LRP5: variants seen among roughly 807,000 people sequenced by gnomAD.
LRP5 encodes LDL receptor related protein 5.
A neutral mutation model predicts 154.1 loss-of-function variants in LRP5; 62 were observed. The ratio of observed to expected loss-of-function variants is 0.40; its 90% CI spans 0.33 to 0.50. LRP5 has a LOEUF of 0.50. Among genes scored for constraint, LRP5 ranks in the 20% least tolerant of loss-of-function variants. LRP5 has a pLI of 0.55. For missense variants in LRP5, 1,915 were observed against 2,336.7 expected (o/e 0.82, Z 3.72); for synonymous variants, 966 against 1,011.5 (o/e 0.96, Z 0.85).
intron 11 of LRP5, among the ~76,000 whole-genome samples, chr11:68,411,973 C>G (rs2098659844): frequency 6.6e-6 from 1 of 152,140 alleles, no homozygotes; most frequent in Non-Finnish European, 1.5e-5. Context: ...CATGACTTGC[C>G]TTAGGTCACA....
At chr11:68,301,630 AT>A in the LRP5 span, among the ~76,000 whole-genome samples, 7 of 143,314 alleles carry the variant, frequency 4.9e-5, no homozygotes, top group African/African-American at 5.0e-5. Flanking sequence ...TTATTTATTT[AT>A]TTTTTTTTTG....
chr11:68,439,948 G>A (rs761421777), intron 21 of LRP5, 32 bp downstream of exon 21: 24 of 1,491,270 alleles, frequency 1.6e-5, no homozygotes, highest in Admixed American at 1.4e-4. Flanking sequence ...GGGCGGGGCG[G>A]GATGGGGCTG....
intron 2 of LRP5, among the ~76,000 whole-genome samples, chr11:68,354,205 TC>T (rs764530026): frequency 2.0e-5 from 3 of 152,188 alleles, no homozygotes; most frequent in African/African-American, 4.8e-5. Context: ...GCTCTTTTCT[TC>T]GGAAGTCGAT....
intron 13 of LRP5, among the ~76,000 whole-genome samples, chr11:68,417,893 C>T (rs1356915224): frequency 6.6e-6 from 1 of 151,840 alleles, no homozygotes; most frequent in Non-Finnish European, 1.5e-5. Context: ...CGAGATCACA[C>T]CATTGCACTC....
the LRP5 span, among the ~76,000 whole-genome samples, chr11:68,304,541 A>C: frequency 6.6e-6 from 1 of 152,216 alleles, no homozygotes; most frequent in Non-Finnish European, 1.5e-5. Context: ...CGGGGCCGCC[A>C]CCATCCACAC....
the LRP5 span, among the ~76,000 whole-genome samples, chr11:68,306,199 G>A: frequency 1.3e-4 from 19 of 151,974 alleles, no homozygotes; most frequent in Non-Finnish European, 2.2e-4. Flanking sequence ...GCAGTGGCGC[G>A]ATCTTGGCTC....
chr11:68,331,942 TG>T (rs2098603066), intron 1 of LRP5, among the ~76,000 whole-genome samples: 1 of 151,322 alleles, frequency 6.6e-6, no homozygotes, highest in African/African-American at 2.4e-5. Flanking sequence ...GTGTGGGGAG[TG>T]GGGTGCTGTC....
rs892574165 is a variant in LRP5 at position 68,350,300 on chromosome 11, G to A, written c.488+2057G>A. 2.0e-5 allele frequency among the ~76,000 whole-genome samples: 3 copies of A among 152,248 alleles called. 1 individual carries two copies. The highest frequency in any genetic ancestry group is 4.4e-5 in the Non-Finnish European group (3 of 68,046). On this transcript the variant is annotated intron_variant, in intron 2 of 22. Coordinates refer to ENST00000294304, the MANE Select transcript of LRP5 (RefSeq NM_002335.4). Reference sequence around the variant, plus strand: ...GATCCACCCTCCTCGGCCTCCCAAAGTGTTGGGATTGCAGGCGTGAGCCAC... The same window carrying A: ...GATCCACCCTCCTCGGCCTCCCAAAATGTTGGGATTGCAGGCGTGAGCCAC...
At chr11:68,363,114 T>C (rs1441296527) in intron 3 of LRP5, among the ~76,000 whole-genome samples, 3 of 152,246 alleles carry the variant, frequency 2.0e-5, no homozygotes, top group South Asian at 2.1e-4. Flanking sequence ...TTATGAGCAT[T>C]GTAAGAAGGA....
intron 13 of LRP5, 72 bp downstream of exon 13, chr11:68,416,599 C>T (rs146948259): frequency 0.014 from 20,067 of 1,439,186 alleles, 160 homozygotes; most frequent in Non-Finnish European, 0.017. Context: ...CAGGCTGCTG[C>T]CCCTGTCCTT....
Position 68,423,831 on chromosome 11 carries a change from C to T in LRP5, c.3236+134C>T, listed in dbSNP as rs2098667227. 1.3e-6 allele frequency: 1 copy of T among 787,928 alleles called. No individual in the cohort carries two copies. The highest frequency in any genetic ancestry group is 2.5e-5 in the Admixed American group (1 of 39,984). 48.8% of individuals were successfully genotyped at this position (787,928 alleles called of 1,614,324 possible). A position where few individuals can be genotyped will look rare whatever the true frequency, so the allele number is the denominator to read the frequency against. On this transcript the variant is annotated intron_variant, in intron 14 of 22. Coordinates refer to ENST00000294304, the MANE Select transcript of LRP5 (RefSeq NM_002335.4). The surrounding 1 kb of genome is among the most constrained non-coding windows in gnomAD (Gnocchi z 4.7). ...TCCAATGGGTGGCTTTCCAGGGTCC[C>T]AAAAGCAAACACAGGCTCTTTCACA...
Position 68,425,305 on chromosome 11 carries a change from G to C in LRP5, c.3427+13G>C. ...TGTGACCTGTCAGGTACGCGCCCCG[G>C]GGCCTGCCCTAACCGCAGACACCCG... On this transcript the variant is annotated intron_variant, in intron 15 of 22. Coordinates refer to ENST00000294304, the MANE Select transcript of LRP5 (RefSeq NM_002335.4). 2 of 1,599,978 alleles carry C rather than the reference G, an allele frequency of 1.3e-6. No individual in the cohort carries two copies. Among genetic ancestry groups the C allele is most frequent in the Non-Finnish European group, 1.7e-6 (2 of 1,178,158 alleles).
chr11:68,435,302 A>G (rs1158728749), intron 18 of LRP5, among the ~76,000 whole-genome samples: 1 of 152,158 alleles, frequency 6.6e-6, no homozygotes, highest in Admixed American at 6.5e-5. Flanking sequence ...CATTGCTATG[A>G]AGGAGCACCT....
rs143513276 is a variant in LRP5 at position 68,380,885 on chromosome 11, C to T, written c.1016-5431C>T. 9.6e-4 allele frequency among the ~76,000 whole-genome samples: 146 copies of T among 152,348 alleles called. 1 individual carries two copies. Among genetic ancestry groups the T allele is most frequent in the Middle Eastern group, 3.4e-3 (1 of 294 alleles). ...TGAAGCGCTCCTCTTACCCTCTGCT[C>T]CCGGCTGGGTACGTTGAATTGTGTC... On this transcript the variant is annotated intron_variant, in intron 5 of 22. Coordinates refer to ENST00000294304, the MANE Select transcript of LRP5 (RefSeq NM_002335.4).
At chr11:68,378,422 C>A (rs149851517) in intron 5 of LRP5, among the ~76,000 whole-genome samples, 1 of 151,990 alleles carries the variant, frequency 6.6e-6, no homozygotes, top group Admixed American at 6.6e-5. Flanking sequence ...CCGAATGAGC[C>A]GTCGGTACCC....
chr11:68,378,298 C>G (rs922843300), intron 5 of LRP5, among the ~76,000 whole-genome samples: 6 of 152,170 alleles, frequency 3.9e-5, no homozygotes, highest in African/African-American at 1.4e-4. Flanking sequence ...TGGCTCAGGC[C>G]GCTGGGCGAC....
Position 68,406,639 on chromosome 11 carries a change from C to G in LRP5, c.1917C>G (p.Thr639=). ...IGLELLSDMK[T]CIVPEAFLVF... ...TGGAGCTGCTGAGTGACATGAAGAC[C>G]TGCATCGTGCCTGAGGCCTTCTTGG... Residue 639 remains threonine, a synonymous_variant, in exon 9 of 23, where the codon ACC becomes ACG. Coordinates refer to ENST00000294304, the MANE Select transcript of LRP5 (RefSeq NM_002335.4). 2 of 1,614,182 alleles carry G rather than the reference C, an allele frequency of 1.2e-6. No homozygotes were observed. The highest frequency in any genetic ancestry group is 1.7e-6 in the Non-Finnish European group (2 of 1,180,046).
intron 6 of LRP5, among the ~76,000 whole-genome samples, chr11:68,389,147 A>G (rs1169357798): frequency 6.6e-6 from 1 of 152,262 alleles, no homozygotes; most frequent in Non-Finnish European, 1.5e-5. Context: ...AACATTTACC[A>G]ACACTGAAAT....
At chr11:68,333,239 A>G (rs1301151062) in intron 1 of LRP5, among the ~76,000 whole-genome samples, 6 of 152,242 alleles carry the variant, frequency 3.9e-5, no homozygotes, top group Non-Finnish European at 8.8e-5. Flanking sequence ...AACTGTCTAC[A>G]TAAAAGCGAG....
Sources: gnomAD v4.1 joint callset for allele counts (sites outside exome capture counted in the v4.1 genomes callset) on GRCh38, gnomAD v4.1.1 for gene constraint, Gnocchi (gnomAD v3.1) non-coding constraint, MANE v1.5 for transcripts, NCBI Gene and HGNC (gene_info 2026-07-23, HGNC 2026-07-21) for gene names.